G3BP2: variants seen among roughly 807,000 people sequenced by gnomAD.
The protein encoded by G3BP2 is ras GTPase-activating protein-binding protein 2.
G3BP2 carries 11 observed loss-of-function variants against 56.7 expected under a neutral mutation model. That is an observed-to-expected ratio of 0.19 (90% CI 0.12 to 0.32). The LOEUF is 0.32. G3BP2 is among the 10% of genes least tolerant of loss of function. The pLI is 1.00. For missense variants in G3BP2, 340 were observed against 610.9 expected, an observed-to-expected ratio of 0.56 and a Z score of 4.67; for synonymous variants, 165 against 191.6, an observed-to-expected ratio of 0.86 and a Z score of 1.15.
chr4:75,684,136 T>C (rs1271441834), intron 3 of G3BP2, among the ~76,000 whole-genome samples: 1 of 152,180 alleles, frequency 6.6e-6, no homozygotes, highest in Non-Finnish European at 1.5e-5. Flanking sequence ...CCGGGTGCGG[T>C]GGCTCATGCC....
In G3BP2 at chr4:75,671,507, T is replaced by C. The variant is rs574023168; in HGVS notation, c.-25+1701A>G. Among the ~76,000 whole-genome samples the C allele has an allele frequency of 1.4e-4, 22 of 152,290 alleles. No individual in the cohort carries two copies. The East Asian group carries it at 4.1e-3, about 28-fold the overall frequency. ...GTTACTCTACGAAATGGTCAAATAA[T>C]GTGTTTTCTTCTTTACCTTCTAATT... On this transcript the variant is annotated intron_variant, in intron 1 of 11. Transcript: ENST00000359707.
chr4:75,657,879 G>C (rs529549602), intron 3 of G3BP2, 149 bp from the exon 4 acceptor site: 1 of 554,546 alleles, frequency 1.8e-6, no homozygotes, highest in African/African-American at 1.9e-5. Flanking sequence ...GTGCATCACT[G>C]CCAGAATGAT....
chr4:75,653,606 A>C (rs1178099325), intron 8 of G3BP2, among the ~76,000 whole-genome samples: 1 of 150,624 alleles, frequency 6.6e-6, no homozygotes, highest in Non-Finnish European at 1.5e-5. Context: ...AAAAAAAAAA[A>C]CAAAAACGAT....
At chr4:75,698,149 G>A (rs1393117090) in intron 3 of G3BP2, among the ~76,000 whole-genome samples, 3 of 152,178 alleles carry the variant, frequency 2.0e-5, no homozygotes, top group Non-Finnish European at 4.4e-5. Context: ...AGAATCTTCA[G>A]ATGGGGAGTT....
At chr4:75,646,297 GAAATAAT>G (rs1560608319) in intron 11 of G3BP2, 34 bp downstream of exon 11, 3 of 883,812 alleles carry the variant, frequency 3.4e-6, no homozygotes, top group Non-Finnish European at 5.5e-6. Context: ...ATATACAACA[GAAATAAT>G]AAAGTCTTGA....
intron 3 of G3BP2, among the ~76,000 whole-genome samples, chr4:75,715,737 G>T (rs1421788368): frequency 2.0e-5 from 3 of 152,144 alleles, no homozygotes; most frequent in African/African-American, 7.2e-5. Context: ...CCATGCCCCG[G>T]GGCTTTTCTG....
At chr4:75,692,009 C>T (rs930079316) in intron 3 of G3BP2, among the ~76,000 whole-genome samples, 2 of 152,182 alleles carry the variant, frequency 1.3e-5, no homozygotes, top group Non-Finnish European at 2.9e-5. Context: ...ACTATTTAAT[C>T]TCTCGGAACT....
intron 1 of G3BP2, among the ~76,000 whole-genome samples, chr4:75,662,796 T>C (rs371337761): frequency 1.8e-4 from 27 of 152,300 alleles, no homozygotes; most frequent in African/African-American, 6.0e-4. Flanking sequence ...CCTTTTTCCT[T>C]TGGGGACCAA....
upstream of G3BP2, among the ~76,000 whole-genome samples, chr4:75,674,693 T>TAC (rs1560407660): frequency 2.3e-4 from 15 of 66,418 alleles, no homozygotes; most frequent in African/African-American, 8.1e-4. Flanking sequence ...TATATGTATG[T>TAC]ACATATATAT....
intron 7 of G3BP2, 191 bp downstream of exon 7, chr4:75,654,875 C>G: frequency 1.7e-6 from 1 of 574,270 alleles, no homozygotes; most frequent in Non-Finnish European, 3.0e-6. Context: ...AAGTTTCACT[C>G]TTAGAGGGGT....
At chr4:75,700,256 G>A (rs867419093) in intron 3 of G3BP2, among the ~76,000 whole-genome samples, 10 of 151,326 alleles carry the variant, frequency 6.6e-5, no homozygotes, top group South Asian at 4.2e-4. Context: ...GTTTGACCAC[G>A]TTGGCTAGGA....
intron 3 of G3BP2, among the ~76,000 whole-genome samples, chr4:75,702,013 C>G (rs1326759145): frequency 1.3e-5 from 2 of 152,046 alleles, no homozygotes; most frequent in Non-Finnish European, 2.9e-5. Flanking sequence ...AAGACTGGCT[C>G]TTATCACAGA....
At chr4:75,647,950 G>A (rs1731354338) in intron 9 of G3BP2, among the ~76,000 whole-genome samples, 3 of 152,086 alleles carry the variant, frequency 2.0e-5, no homozygotes, top group Admixed American at 2.0e-4. Flanking sequence ...AAAAATCATG[G>A]CAACTTACTT....
chr4:75,697,731 T>A (rs1421715286), intron 3 of G3BP2, among the ~76,000 whole-genome samples: 1 of 152,082 alleles, frequency 6.6e-6, no homozygotes, highest in Non-Finnish European at 1.5e-5. Flanking sequence ...GTCAGGAGTT[T>A]GAGACAAGCC....
intron 1 of G3BP2, among the ~76,000 whole-genome samples, chr4:75,663,538 C>G (rs1732736833): frequency 6.6e-6 from 1 of 152,072 alleles, no homozygotes; most frequent in Non-Finnish European, 1.5e-5. Context: ...AGGTGTGAGC[C>G]ACAAACAAAA....
chr4:75,689,574 G>T (rs1419347061), intron 3 of G3BP2, among the ~76,000 whole-genome samples: 1 of 152,194 alleles, frequency 6.6e-6, no homozygotes, highest in Non-Finnish European at 1.5e-5. Context: ...AGCTCTGCAA[G>T]AGAAAGATGC....
At position 75,655,768 on chromosome 4, in the gene G3BP2, G is replaced by A. The variant is rs766706389; in HGVS notation, c.545C>T (p.Thr182Ile). 11 of 1,512,342 alleles carry A rather than the reference G, an allele frequency of 7.3e-6. No individual in the cohort carries two copies. The highest frequency in any genetic ancestry group is 2.7e-5 in the African/African-American group (2 of 72,978). The allele number at this position is 1,512,342 out of a possible 1,614,324, so 93.7% of individuals were successfully genotyped here. ...NSGYYEAHPVTNGIEEPLEES... is the reference protein window; with the variant it reads ...NSGYYEAHPVINGIEEPLEES... ...TTAACCTTGCAAATAGTATGCTTAC[G>A]TCACAGGGTGAGCTTCATAGTAACC... The change falls in exon 6 of 12, where the codon ACT becomes ATT. Residue 182 changes from threonine (T) to isoleucine (I), a missense_variant and splice_region_variant. Physicochemically the swap from Thr to Ile is moderately conservative, Grantham distance 89. Transcript: ENST00000359707.
Position 75,645,089 on chromosome 4 carries a change from A to C in G3BP2, c.*341T>G, listed in dbSNP as rs1437995956. 1 of 258,406 alleles carries C rather than the reference A, an allele frequency of 3.9e-6. No homozygotes were observed. Among genetic ancestry groups the C allele is most frequent in the Non-Finnish European group, 7.3e-6 (1 of 136,554 alleles). 16.0% of individuals were successfully genotyped at this position (258,406 alleles called of 1,614,324 possible). A position where few individuals can be genotyped will look rare whatever the true frequency, so the allele number is the denominator to read the frequency against. On this transcript the variant is annotated 3_prime_UTR_variant, in exon 12 of 12. Transcript: ENST00000359707. Reference sequence around the variant, plus strand: ...AGCATTAACAGGCAGAAACAGTAACACTTAAACAAAATGTGCAGCAGAAGA... The same window carrying C: ...AGCATTAACAGGCAGAAACAGTAACCCTTAAACAAAATGTGCAGCAGAAGA...
intron 1 of G3BP2, among the ~76,000 whole-genome samples, chr4:75,666,424 G>A (rs1733039221): frequency 6.6e-6 from 1 of 152,112 alleles, no homozygotes; most frequent in Non-Finnish European, 1.5e-5. Context: ...GGCTCCCAAA[G>A]GAATGGTAAA....
Sources: allele counts gnomAD v4.1 joint callset (sites outside exome capture counted in the v4.1 genomes callset), GRCh38; gene constraint gnomAD v4.1.1; transcripts MANE v1.5; gene names NCBI Gene and HGNC (gene_info 2026-07-23, HGNC 2026-07-21).